The following MYB variants were observed in gnomAD, a reference collection of about 807,000 sequenced individuals.
MYB encodes MYB proto-oncogene, transcription factor.
A neutral mutation model predicts 92.9 loss-of-function variants in MYB; 28 were observed. That is an observed-to-expected ratio of 0.30 (90% confidence interval 0.22 to 0.41). The LOEUF is 0.41. MYB is among the 10% of genes least tolerant of loss of function. The pLI, the probability that MYB is intolerant of heterozygous loss-of-function variation, is 1.00. For synonymous variants in MYB, 295 were observed against 329.1 expected, an observed-to-expected ratio of 0.90 and a Z score of 1.12; for missense variants, 679 against 929.3, an observed-to-expected ratio of 0.73 and a Z score of 3.50.
Position 135,190,327 on chromosome 6 carries a change from C to T in MYB, c.507C>T (p.Ile169=), listed in dbSNP as rs1012919506. 11 of 1,613,822 alleles carry T rather than the reference C, an allele frequency of 6.8e-6. No homozygotes were observed. The highest frequency in any genetic ancestry group is 9.3e-6 in the Non-Finnish European group (11 of 1,179,840). The change falls in exon 5 of 16, where the codon ATC becomes ATT. Residue 169 remains isoleucine (I), a synonymous_variant. Transcript: ENST00000341911. The surrounding 1 kb of genome is among the most constrained non-coding windows in gnomAD (Gnocchi z 4.5). ...HKRLGNRWAE[I]AKLLPGRTDN... is the part of the protein sequence containing the mutation. ...GACTGGGGAACAGATGGGCAGAAAT[C>T]GCAAAGCTACTGCCTGGACGGTAAT...
At position 135,188,794 on chromosome 6, in the gene MYB, G is replaced by A. The variant is rs560366135; in HGVS notation, c.213+889G>A. Among the ~76,000 whole-genome samples the A allele has an allele frequency of 3.3e-3, 509 of 152,274 alleles. 2 individuals are homozygous for A. Among genetic ancestry groups the A allele is most frequent in the African/African-American group, 0.012 (483 of 41,542 alleles). ...CGAAGTGCTAGGATTGCAGGCATGA[G>A]CCACCGTGCCCAGCCAGTCTTCTAC... On this transcript the variant is annotated intron_variant, in intron 3 of 15. Transcript: ENST00000341911.
At chr6:135,192,773 A>C (rs1290736653) in intron 6 of MYB, among the ~76,000 whole-genome samples, 1 of 152,218 alleles carries the variant, frequency 6.6e-6, no homozygotes, top group African/African-American at 2.4e-5. Context: ...CGCTTTGCCC[A>C]GGGTGACACA....
chr6:135,181,871 G>T lies in MYB; in HGVS notation c.23+335G>T, dbSNP rs377110670. ...ACCAGCCCCGGGGAGCCCACCAGGT[G>T]CCTGGCTTGATGCCGCGGGTGTCGG... is the stretch of plus-strand genomic sequence containing the variant. On this transcript the variant is annotated intron_variant, in intron 1 of 15. Coordinates refer to ENST00000341911, the MANE Select transcript of MYB (RefSeq NM_001130173.2). The surrounding 1 kb of genome is among the most constrained non-coding windows in gnomAD (Gnocchi z 5.3). Among the ~76,000 whole-genome samples, 190 of 152,348 alleles carry T rather than the reference G, an allele frequency of 1.2e-3. 4 individuals carry two copies. The South Asian group carries it at 0.039, about 31-fold the overall frequency.
intron 15 of MYB, among the ~76,000 whole-genome samples, chr6:135,217,613 A>T (rs1017640771): frequency 3.9e-5 from 6 of 152,170 alleles, no homozygotes; most frequent in African/African-American, 1.4e-4. Context: ...GACGGAAGGC[A>T]TTAAAATATG....
Position 135,218,222 on chromosome 6 carries a change from G to T in MYB, c.*242G>T. ...ATTATTAGGTAATGAATTGTAGCCA[G>T]TTGTTAATATCTTAATGCAGATTTT... On this transcript the variant is annotated 3_prime_UTR_variant, in exon 16 of 16. Coordinates refer to ENST00000341911, the MANE Select transcript of MYB (RefSeq NM_001130173.2). 2.5e-6 allele frequency: 1 copy of T among 401,518 alleles called. No homozygotes were observed. Among genetic ancestry groups the T allele is most frequent in the South Asian group, 3.2e-5 (1 of 30,984 alleles). The allele number at this position is 401,518 out of a possible 1,614,324, so 24.9% of individuals were successfully genotyped here.
intron 15 of MYB, among the ~76,000 whole-genome samples, chr6:135,212,224 C>CTTTTTTTTTTTTTTTTTTTTT (rs545704827): frequency 2.1e-4 from 7 of 32,882 alleles, no homozygotes; most frequent in East Asian, 8.9e-4. Flanking sequence ...TTTGGTTTTA[C>CTTTTTTTTTTTTTTTTTTTTT]TTTTTTTTTT....
chr6:135,192,257 T>C, intron 5 of MYB, 67 bp from the exon 6 acceptor site: 1 of 1,317,618 alleles, frequency 7.6e-7, no homozygotes, highest in South Asian at 1.2e-5. Flanking sequence ...AACAGTTTTC[T>C]GTCAATTCAC....
intron 1 of MYB, 51 bp from the exon 2 acceptor site, chr6:135,185,852 A>G (rs763449734): frequency 1.5e-6 from 2 of 1,366,846 alleles, no homozygotes; most frequent in South Asian, 1.2e-5. Flanking sequence ...ATCCAGTAGT[A>G]GTCTAAATCC....
At chr6:135,193,084 C>T (rs1278092599) in intron 6 of MYB, among the ~76,000 whole-genome samples, 2 of 152,182 alleles carry the variant, frequency 1.3e-5, no homozygotes, top group Non-Finnish European at 2.9e-5. Flanking sequence ...TACCTTCTTA[C>T]TCTGAGTCAG....
At position 135,181,565 on chromosome 6, in the gene MYB, G is replaced by A; in HGVS notation, c.23+29G>A. 1.7e-6 allele frequency: 2 copies of A among 1,156,612 alleles called. No individual in the cohort carries two copies. Among genetic ancestry groups the A allele is most frequent in the Non-Finnish European group, 1.1e-6 (1 of 939,022 alleles). 71.6% of individuals were successfully genotyped at this position (1,156,612 alleles called of 1,614,324 possible). A position where few individuals can be genotyped will look rare whatever the true frequency, so the allele number is the denominator to read the frequency against. On this transcript the variant is annotated intron_variant, in intron 1 of 15. Transcript: ENST00000341911. This position sits in a 1 kb window ranked among gnomAD's most constrained non-coding sequence, Gnocchi z 5.3. ...ACGGGGAGCCGGGCGGGCGGCCGAG[G>A]GCGGGGGCGCGCGGGGGCGCGCGGG...
At chr6:135,195,250 C>T (rs989761005) in intron 8 of MYB, 3 of 412,196 alleles carry the variant, frequency 7.3e-6, no homozygotes, top group East Asian at 7.6e-5. Context: ...TTCCTAACCA[C>T]GTTGATTTGG....
chr6:135,217,140 C>T (rs953249854), intron 15 of MYB, among the ~76,000 whole-genome samples: 3 of 152,018 alleles, frequency 2.0e-5, no homozygotes, highest in South Asian at 2.1e-4. Flanking sequence ...AGGCCAAGAC[C>T]GGCAGATCAC....
Position 135,181,382 on chromosome 6 carries a change from A to T in MYB, c.-132A>T. 2.2e-6 allele frequency: 1 copy of T among 451,824 alleles called. No individual in the cohort carries two copies. The highest frequency in any genetic ancestry group is 3.1e-6 in the Non-Finnish European group (1 of 325,172). The allele number at this position is 451,824 out of a possible 1,614,324, so 28.0% of individuals were successfully genotyped here. A position where few individuals can be genotyped will look rare whatever the true frequency, so the allele number is the denominator to read the frequency against. On this transcript the variant is annotated 5_prime_UTR_variant, in exon 1 of 16. Transcript: ENST00000341911. The surrounding 1 kb of genome is among the most constrained non-coding windows in gnomAD (Gnocchi z 5.3). Reference sequence around the variant, plus strand: ...TGACCTCCTCCTCCTCTTTCTCCTGAGAAACTTCGCCCCAGCGGTGCGGAG... The same window carrying T: ...TGACCTCCTCCTCCTCTTTCTCCTGTGAAACTTCGCCCCAGCGGTGCGGAG...
intron 8 of MYB, 86 bp downstream of exon 8, chr6:135,194,546 T>C: frequency 1.1e-6 from 1 of 903,024 alleles, no homozygotes; most frequent in Non-Finnish European, 1.7e-6. Flanking sequence ...AATATTACAC[T>C]TAGCAAGGCT....
chr6:135,192,316 C>T lies in MYB; in HGVS notation c.528-8C>T, dbSNP rs1470573446. ...TTTGTGAAATTTGTGTGATATATTT[C>T]TGTGCAGAACTGATAATGCTATCAA... On this transcript the variant is annotated splice_region_variant and splice_polypyrimidine_tract_variant and intron_variant, in intron 5 of 15. Transcript: ENST00000341911. The T allele has an allele frequency of 6.2e-7, 1 of 1,606,460 alleles. No homozygotes were observed. The highest frequency in any genetic ancestry group is 2.2e-5 in the East Asian group (1 of 44,838).
chr6:135,192,172 T>TC, intron 5 of MYB, 152 bp from the exon 6 acceptor site: 1 of 641,044 alleles, frequency 1.6e-6, no homozygotes, highest in Non-Finnish European at 2.7e-6. Flanking sequence ...AAGCCTGATC[T>TC]CAGAGGGTGG....
chr6:135,190,384 A>G lies in MYB; in HGVS notation c.527+37A>G, dbSNP rs1254720018. ...TCAAAAAATATATTGATCGGGAAGAATGAGGGAGTGGGTATTGAACATTCT... is the reference window on the plus strand; with the variant it reads ...TCAAAAAATATATTGATCGGGAAGAGTGAGGGAGTGGGTATTGAACATTCT... On this transcript the variant is annotated intron_variant, in intron 5 of 15. Coordinates refer to ENST00000341911, the MANE Select transcript of MYB (RefSeq NM_001130173.2). The surrounding 1 kb of genome is among the most constrained non-coding windows in gnomAD (Gnocchi z 4.5). 1 of 1,504,678 alleles carries G rather than the reference A, an allele frequency of 6.6e-7. No individual in the cohort carries two copies. Among genetic ancestry groups the G allele is most frequent in the Non-Finnish European group, 9.2e-7 (1 of 1,083,882 alleles). 93.2% of individuals were successfully genotyped at this position (1,504,678 alleles called of 1,614,324 possible).
intron 14 of MYB, chr6:135,202,840 C>G: frequency 2.2e-6 from 1 of 448,488 alleles, no homozygotes. Flanking sequence ...ATTTATAGCT[C>G]TAAAATATTG....
chr6:135,199,323 C>T (rs1017427941), intron 11 of MYB, among the ~76,000 whole-genome samples: 8 of 152,092 alleles, frequency 5.3e-5, no homozygotes, highest in African/African-American at 1.2e-4. Context: ...CTTTTCCATT[C>T]GGTTTGTTTG....
Sources: allele counts gnomAD v4.1 joint callset (sites outside exome capture counted in the v4.1 genomes callset), GRCh38; gene constraint gnomAD v4.1.1; non-coding constraint Gnocchi (gnomAD v3.1); transcripts MANE v1.5; gene names NCBI Gene and HGNC (gene_info 2026-07-23, HGNC 2026-07-21).